Variants in VARS1 observed in about 807,000 individuals in gnomAD.
The protein encoded by VARS1 is valine--tRNA ligase.
VARS1 carries 92 observed loss-of-function variants against 161.0 expected under a neutral mutation model. The ratio of observed to expected loss-of-function variants is 0.57; its 90% CI spans 0.48 to 0.68. VARS1 has a LOEUF of 0.68. Among genes scored for constraint, VARS1 ranks in the 30% least tolerant of loss-of-function variants. The probability of loss-of-function intolerance (pLI) is 0.00; values close to 1 mark genes in which losing one functional copy is unlikely to be tolerated. For synonymous variants in VARS1, 595 were observed against 682.5 expected (o/e 0.87, Z 2.00); for missense variants, 1,338 against 1,695.9 (o/e 0.79, Z 3.71).
chr6:31,783,052 G>C (rs1264767200), intron 14 of VARS1, 44 bp downstream of exon 14: 1 of 1,603,086 alleles, frequency 6.2e-7, no homozygotes, highest in South Asian at 1.1e-5. Context: ...CTAGGGTGCA[G>C]CTCCAGTCTT....
At position 31,780,372 on chromosome 6, in the gene VARS1, G is replaced by A. The variant is rs1211108112; in HGVS notation, c.2925+69C>T. On this transcript the variant is annotated intron_variant, in intron 25 of 29. Coordinates refer to ENST00000375663, the MANE Select transcript of VARS1 (RefSeq NM_006295.3). The surrounding 1 kb of genome is among the most constrained non-coding windows in gnomAD (Gnocchi z 5.1). ...TGTCTATCTGTCCCCCCAGCTACAT[G>A]GAGGCTGCTCCGGACAGGGGTACAG... is the stretch of plus-strand genomic sequence containing the variant. The A allele has an allele frequency of 1.9e-6, 3 of 1,569,160 alleles. No homozygotes were observed. The highest frequency in any genetic ancestry group is 2.2e-5 in the East Asian group (1 of 44,460).
intron 6 of VARS1, 110 bp from the exon 7 acceptor site, chr6:31,792,081 A>G (rs1425084066): frequency 1.6e-5 from 23 of 1,453,592 alleles, no homozygotes; most frequent in Non-Finnish European, 2.1e-5. Flanking sequence ...TAGGACAGGC[A>G]TTTGAGGGGC....
chr6:31,793,357 AT>A (rs1292127880), intron 2 of VARS1, among the ~76,000 whole-genome samples: 7 of 151,942 alleles, frequency 4.6e-5, no homozygotes, highest in Non-Finnish European at 1.0e-4. Context: ...CAAAAAAAAA[AT>A]AGCCAGGCGT....
rs747236858 is a variant in VARS1, at chr6:31,781,763, T to C, written c.2348-2A>G. 7 of 1,613,022 alleles carry C rather than the reference T, an allele frequency of 4.3e-6. No individual in the cohort carries two copies. Among genetic ancestry groups the C allele is most frequent in the Non-Finnish European group, 5.9e-6 (7 of 1,180,010 alleles). ...ACCAGGTATCCAATACATCCTCATC[T>C]GAGAGAGGCCAAAGGTCAGAGGTCA... On this transcript the variant is annotated splice_acceptor_variant, in intron 19 of 29. Coordinates refer to ENST00000375663, the MANE Select transcript of VARS1 (RefSeq NM_006295.3). LOFTEE classifies it high-confidence loss of function. This position sits in a 1 kb window ranked among gnomAD's most constrained non-coding sequence, Gnocchi z 6.8.
Position 31,780,874 on chromosome 6 carries a change from C to T in VARS1, c.2714G>A (p.Gly905Glu), listed in dbSNP as rs949643092. The change falls in exon 23 of 30, where the codon GGG (glycine) becomes GAG (glutamate). Residue 905 changes from glycine (G) to glutamate (E), a missense_variant. Physicochemically the swap from Gly to Glu is moderately conservative, Grantham distance 98. Around this residue, in one of 3 missense-constraint regions of VARS1, gnomAD observed 433 missense variants for 586.2 expected, o/e 0.74. Coordinates refer to ENST00000375663, the MANE Select transcript of VARS1 (RefSeq NM_006295.3). The surrounding 1 kb of genome is among the most constrained non-coding windows in gnomAD (Gnocchi z 5.1). ...DPSEVEKAKE[G>E]QKADFPAGIP... ...GCCCAGCCCAACCCTCCATACCTGC[C>T]CTTCTTTGGCCTTCTCCACCTCGCT... 1 of 1,614,180 alleles carries T rather than the reference C, an allele frequency of 6.2e-7. No homozygotes were observed. The highest frequency in any genetic ancestry group is 1.6e-4 in the Middle Eastern group (1 of 6,062).
Position 31,782,836 on chromosome 6 carries a change from T to G in VARS1, c.1772A>C (p.Lys591Thr). ...ATTTTGGTCATGTGCGGGGGTGATC[T>G]TCACAGCACCTGGGTGTACATCAGG... ...VDMDFGTGAV[K>T]ITPAHDQNDY... Residue 591 changes from lysine (K) to threonine (T), a missense_variant, in exon 15 of 30, where the codon AAG (lysine) becomes ACG (threonine). By Grantham distance (78) the Lys-to-Thr change is moderately conservative. This residue lies in a region of VARS1 where 902 missense variants were observed against 1,090.3 expected (regional missense o/e 0.83). Coordinates refer to ENST00000375663, the MANE Select transcript of VARS1 (RefSeq NM_006295.3). The surrounding 1 kb of genome is among the most constrained non-coding windows in gnomAD (Gnocchi z 8.3). 6.2e-7 allele frequency: 1 copy of G among 1,611,778 alleles called. No individual in the cohort carries two copies. The highest frequency in any genetic ancestry group is 2.2e-5 in the East Asian group (1 of 44,876).
At chr6:31,783,253 C>T (rs1388998150) in intron 13 of VARS1, 67 bp from the exon 14 acceptor site, 1 of 1,546,728 alleles carries the variant, frequency 6.5e-7, no homozygotes, top group African/African-American at 1.4e-5. Flanking sequence ...ACCTGTAATC[C>T]CAGAACTTTG....
rs527997607 is a variant in VARS1, at chr6:31,782,408, G to A, written c.2027C>T (p.Pro676Leu). The A allele has an allele frequency of 4.3e-6, 7 of 1,612,254 alleles. No individual in the cohort carries two copies. The highest frequency in any genetic ancestry group is 3.3e-5 in the Admixed American group (2 of 59,924). The stretch of plus-strand genomic sequence containing the variant: ...CTCCCCGCAGCGAACGTACCACTGC[G>A]GCCGCAGCAGAGGCTCTACCACGTC... ...SKDVVEPLLRPQWYVRCGEMA... is the reference protein window; with the variant it reads ...SKDVVEPLLRLQWYVRCGEMA... Residue 676 changes from proline to leucine, a missense_variant, in exon 17 of 30, where the codon CCG becomes CTG. Physicochemically the swap from Pro to Leu is moderately conservative, Grantham distance 98. Transcript: ENST00000375663. The surrounding 1 kb of genome is among the most constrained non-coding windows in gnomAD (Gnocchi z 8.3).
chr6:31,781,818 C>T lies in VARS1; in HGVS notation c.2347+29G>A, dbSNP rs568116738. The stretch of plus-strand genomic sequence containing the variant: ...GAGTGGAGCTCTGCCCCCCACAACT[C>T]CCTCCAGACCCTCAAAGCCCCGCCT... On this transcript the variant is annotated intron_variant, in intron 19 of 29. Coordinates refer to ENST00000375663, the MANE Select transcript of VARS1 (RefSeq NM_006295.3). This position sits in a 1 kb window ranked among gnomAD's most constrained non-coding sequence, Gnocchi z 6.8. 6.2e-7 allele frequency: 1 copy of T among 1,613,024 alleles called. No homozygotes were observed. Among genetic ancestry groups the T allele is most frequent in the Admixed American group, 1.7e-5 (1 of 60,030 alleles).
chr6:31,792,139 G>A lies in VARS1; in HGVS notation c.871+78C>T. 3.8e-6 allele frequency: 6 copies of A among 1,558,908 alleles called. No homozygotes were observed. In the South Asian group the frequency reaches 6.9e-5, roughly 18 times the overall value. On this transcript the variant is annotated intron_variant, in intron 6 of 29. Transcript: ENST00000375663. ...GCAATTCCTCACCAAACAAAGTGGT[G>A]AGAGCAAGAATAGAGCAAGATAGGG...
chr6:31,780,367 T>C lies in VARS1; in HGVS notation c.2925+74A>G, dbSNP rs1813056328. On this transcript the variant is annotated intron_variant, in intron 25 of 29. Transcript: ENST00000375663. This position sits in a 1 kb window ranked among gnomAD's most constrained non-coding sequence, Gnocchi z 5.1. Reference sequence around the variant, plus strand: ...CTCTGTGTCTATCTGTCCCCCCAGCTACATGGAGGCTGCTCCGGACAGGGG... The same window carrying C: ...CTCTGTGTCTATCTGTCCCCCCAGCCACATGGAGGCTGCTCCGGACAGGGG... The C allele has an allele frequency of 5.1e-6, 8 of 1,566,254 alleles. No individual in the cohort carries two copies. In the Admixed American group the frequency reaches 7.3e-5, roughly 14 times the overall value.
rs1445255263 is a variant in VARS1, at chr6:31,785,649, C to A, written c.1185G>T (p.Lys395Asn). Residue 395 changes from lysine to asparagine, a missense_variant, in exon 9 of 30, where the codon AAG becomes AAT. Lys to Asn is a moderately conservative substitution (Grantham distance 94). Transcript: ENST00000375663. The surrounding 1 kb of genome is among the most constrained non-coding windows in gnomAD (Gnocchi z 6.1). ...GIATQVVVEK[K>N]LWREQGLSRH... ...GGCTCAGTCCCTGCTCACGCCATAG[C>A]TTCTTCTCCACCACCACCTGGGTGG... The A allele has an allele frequency of 6.2e-7, 1 of 1,613,010 alleles. No homozygotes were observed. The highest frequency in any genetic ancestry group is 8.5e-7 in the Non-Finnish European group (1 of 1,180,018).
intron 13 of VARS1, 181 bp from the exon 14 acceptor site, chr6:31,783,367 A>G (rs1320054344): frequency 1.6e-6 from 1 of 620,798 alleles, no homozygotes; most frequent in Non-Finnish European, 2.8e-6. Flanking sequence ...AAAATTAGCC[A>G]GGTGTGGTGA....
chr6:31,780,714 T>G lies in VARS1; in HGVS notation c.2788A>C (p.Met930Leu). The stretch of plus-strand genomic sequence containing the variant: ...GCTTTGGGGGCCATACCCTGGGACA[T>G]GTAGGCACATAATCCAAACCGGAGA... ...DALRFGLCAY[M>L]SQGRDINLDV... Residue 930 changes from methionine (M) to leucine (L), a missense_variant, in exon 24 of 30, where the codon ATG becomes CTG. Coordinates refer to ENST00000375663, the MANE Select transcript of VARS1 (RefSeq NM_006295.3). This position sits in a 1 kb window ranked among gnomAD's most constrained non-coding sequence, Gnocchi z 5.1. 6.2e-7 allele frequency: 1 copy of G among 1,614,098 alleles called. No individual in the cohort carries two copies. Among genetic ancestry groups the G allele is most frequent in the South Asian group, 1.1e-5 (1 of 91,090 alleles).
In VARS1 at chr6:31,782,894, C is replaced by A; in HGVS notation, c.1763-49G>T. 6.3e-7 allele frequency: 1 copy of A among 1,580,062 alleles called. No homozygotes were observed. Among genetic ancestry groups the A allele is most frequent in the African/African-American group, 1.3e-5 (1 of 74,436 alleles). ...GGTCATGAGGGACTCCACGGAGTTCCTTCCTACACTCACCTCTTTTGCTGA... is the reference window on the plus strand; with the variant it reads ...GGTCATGAGGGACTCCACGGAGTTCATTCCTACACTCACCTCTTTTGCTGA... On this transcript the variant is annotated intron_variant, in intron 14 of 29. Coordinates refer to ENST00000375663, the MANE Select transcript of VARS1 (RefSeq NM_006295.3). The surrounding 1 kb of genome is among the most constrained non-coding windows in gnomAD (Gnocchi z 8.3).
Position 31,782,090 on chromosome 6 carries a change from C to A in VARS1, c.2238G>T (p.Gly746=). 2 of 1,613,516 alleles carry A rather than the reference C, an allele frequency of 1.2e-6. No homozygotes were observed. The highest frequency in any genetic ancestry group is 2.7e-5 in the African/African-American group (2 of 75,056). Residue 746 remains glycine (G), a synonymous_variant, in exon 18 of 30, where the codon GGG becomes GGT. Coordinates refer to ENST00000375663, the MANE Select transcript of VARS1 (RefSeq NM_006295.3). This position sits in a 1 kb window ranked among gnomAD's most constrained non-coding sequence, Gnocchi z 8.3. ...CTAGCTCTGGCCCTCTGCTCACCTC[C>A]CCAGGGGGCACCGCTGGGTCACTGA... is the stretch of plus-strand genomic sequence containing the variant. ...VTVSDPAVPP[G]EDPDGRYWVS... is the part of the protein sequence containing the mutation.
At chr6:31,793,702 C>T (rs917217461) in intron 2 of VARS1, among the ~76,000 whole-genome samples, 12 of 152,110 alleles carry the variant, frequency 7.9e-5, no homozygotes, top group Non-Finnish European at 1.5e-5. Context: ...ATGGACAGAA[C>T]CCTGACCTGG....
Position 31,794,884 on chromosome 6 carries a change from AG to A in VARS1, c.333del (p.Cys112ValfsTer28). On this transcript the variant is annotated frameshift_variant, in exon 2 of 30. Coordinates refer to ENST00000375663, the MANE Select transcript of VARS1 (RefSeq NM_006295.3). LOFTEE classifies it high-confidence loss of function. ...SYADTELIPA[A>X]CGATLPALGL... ...CCCAGGGCCGGCAGCGTTGCTCCACAGGCAGCTGGTATTAACTCCGTGTCGG... is the reference window on the plus strand; with the variant it reads ...CCCAGGGCCGGCAGCGTTGCTCCACAGCAGCTGGTATTAACTCCGTGTCGG... 6.2e-7 allele frequency: 1 copy of A among 1,611,818 alleles called. No homozygotes were observed. The highest frequency in any genetic ancestry group is 8.5e-7 in the Non-Finnish European group (1 of 1,179,320).
Position 31,785,934 on chromosome 6 carries a change from C to T in VARS1, c.1101-201G>A, listed in dbSNP as rs186101830. 1.7e-4 allele frequency among the ~76,000 whole-genome samples: 26 copies of T among 152,180 alleles called. 1 individual carries two copies. The highest frequency in any genetic ancestry group is 6.5e-4 in the Admixed American group (10 of 15,296). Reference sequence around the variant, plus strand: ...TCAGGTGGGGGAGTTCGAGATGAGCCTGGCCAACATGGTAAAACCCCGTCT... The same window carrying T: ...TCAGGTGGGGGAGTTCGAGATGAGCTTGGCCAACATGGTAAAACCCCGTCT... On this transcript the variant is annotated intron_variant, in intron 8 of 29. Coordinates refer to ENST00000375663, the MANE Select transcript of VARS1 (RefSeq NM_006295.3). The surrounding 1 kb of genome is among the most constrained non-coding windows in gnomAD (Gnocchi z 6.1).
Sources: allele counts gnomAD v4.1 joint callset (sites outside exome capture counted in the v4.1 genomes callset), GRCh38; gene constraint gnomAD v4.1.1; regional missense constraint gnomAD v4.1.1; non-coding constraint Gnocchi (gnomAD v3.1); transcripts MANE v1.5; gene names NCBI Gene and HGNC (gene_info 2026-07-23, HGNC 2026-07-21).